GPR179: variants seen among roughly 807,000 people sequenced by gnomAD.
GPR179 encodes probable G protein-coupled receptor 179.
A neutral mutation model predicts 70.8 loss-of-function variants in GPR179; 52 were observed. The ratio of observed to expected loss-of-function variants is 0.73; its 90% CI spans 0.59 to 0.93. The LOEUF (loss-of-function observed/expected upper bound fraction) is 0.93, where lower values mean the gene tolerates loss of function less well. Ranked by LOEUF, GPR179 falls within the 40% of genes least tolerant of loss-of-function variation. The pLI is 0.00. For synonymous variants in GPR179, 1,123 were observed against 1,169.0 expected (o/e 0.96, Z 0.80); for missense variants, 2,734 against 2,966.8 (o/e 0.92, Z 1.82).
Position 38,328,442 on chromosome 17 carries a change from C to A in GPR179, c.5127G>T (p.Val1709=), listed in dbSNP as rs571294116. ...AGKAEICPWE[V]GAGAGEERAL... The stretch of plus-strand genomic sequence containing the variant: ...CCCTTTCCTCCCCTGCTCCAGCACC[C>A]ACCTCCCAGGGACAGATTTCTGCCT... The change falls in exon 11 of 11, where the codon GTG becomes GTT. Residue 1709 remains valine, a synonymous_variant. Coordinates refer to ENST00000616987, the MANE Select transcript of GPR179 (RefSeq NM_001004334.4). 1.2e-6 allele frequency: 2 copies of A among 1,610,946 alleles called. No homozygotes were observed. The highest frequency in any genetic ancestry group is 2.7e-5 in the African/African-American group (2 of 73,850).
At position 38,330,052 on chromosome 17, in the gene GPR179, T is replaced by C; in HGVS notation, c.3517A>G (p.Ser1173Gly). Residue 1173 changes from serine to glycine, a missense_variant, in exon 11 of 11, where the codon AGC (serine) becomes GGC (glycine). Transcript: ENST00000616987. Reference sequence around the variant, plus strand: ...CTGCCTCTGTCTTCTTGTTCCCTGCTGCCCTCCCGTTGACAGACTTGGAGC... The same window carrying C: ...CTGCCTCTGTCTTCTTGTTCCCTGCCGCCCTCCCGTTGACAGACTTGGAGC... Reference protein sequence around the residue: ...RMLQVCQREGSREQEDRGRRM... With the variant: ...RMLQVCQREGGREQEDRGRRM... 1 of 1,614,246 alleles carries C rather than the reference T, an allele frequency of 6.2e-7. No individual in the cohort carries two copies. Among genetic ancestry groups the C allele is most frequent in the Non-Finnish European group, 8.5e-7 (1 of 1,180,032 alleles).
chr17:38,337,483 C>G, intron 3 of GPR179, 150 bp downstream of exon 3: 1 of 725,730 alleles, frequency 1.4e-6, no homozygotes, highest in Non-Finnish European at 2.3e-6. Flanking sequence ...CTGCAACCTG[C>G]TTGCCTCTCC....
chr17:38,340,587 G>T (rs2144278184), intron 1 of GPR179, among the ~76,000 whole-genome samples: 1 of 152,290 alleles, frequency 6.6e-6, no homozygotes, highest in South Asian at 2.1e-4. Context: ...TCTGCCACTG[G>T]GTCTTCATTT....
rs748774487 is a variant in GPR179 at position 38,342,967 on chromosome 17, T to C, written c.794+29A>G. Reference sequence around the variant, plus strand: ...CTTCCTTCCCCTACATCCCCACACATGCATCAAATCCTGCACAAACCCACT... The same window carrying C: ...CTTCCTTCCCCTACATCCCCACACACGCATCAAATCCTGCACAAACCCACT... On this transcript the variant is annotated intron_variant, in intron 1 of 10. Coordinates refer to ENST00000616987, the MANE Select transcript of GPR179 (RefSeq NM_001004334.4). 92 of 1,555,332 alleles carry C rather than the reference T, an allele frequency of 5.9e-5. No homozygotes were observed. The South Asian group carries it at 1.0e-3, about 18-fold the overall frequency.
At chr17:38,332,466 A>T (rs1405509781) in intron 10 of GPR179, among the ~76,000 whole-genome samples, 1 of 152,178 alleles carries the variant, frequency 6.6e-6, no homozygotes, top group Non-Finnish European at 1.5e-5. Context: ...AGACCCAGGA[A>T]GAACTTCCTC....
At chr17:38,342,117 G>GA (rs376736296) in intron 1 of GPR179, among the ~76,000 whole-genome samples, 23 of 146,510 alleles carry the variant, frequency 1.6e-4, no homozygotes, top group South Asian at 4.3e-4. Flanking sequence ...ACTCTGTCTT[G>GA]AAAAAAAAAA....
intron 4 of GPR179, among the ~76,000 whole-genome samples, chr17:38,336,639 T>C (rs1299724172): frequency 6.6e-6 from 1 of 152,190 alleles, no homozygotes; most frequent in Non-Finnish European, 1.5e-5. Context: ...CCTCCATCCT[T>C]GCCCCCATCT....
chr17:38,337,716 A>T lies in GPR179; in HGVS notation c.908T>A (p.Val303Asp). Residue 303 changes from valine to aspartate, a missense_variant, in exon 3 of 11, where the codon GTC becomes GAC. Coordinates refer to ENST00000616987, the MANE Select transcript of GPR179 (RefSeq NM_001004334.4). Reference protein sequence around the residue: ...HLCDLNSTQCVPLESQGFVLG... With the variant: ...HLCDLNSTQCDPLESQGFVLG... ...AACAAAGCCCTGACTCTCCAGGGGG[A>T]CACACTATGGGGACAACAAACACAG... The T allele has an allele frequency of 6.2e-7, 1 of 1,612,536 alleles. No homozygotes were observed. Among genetic ancestry groups the T allele is most frequent in the African/African-American group, 1.3e-5 (1 of 74,954 alleles).
chr17:38,332,973 G>A (rs1377334933), intron 10 of GPR179, among the ~76,000 whole-genome samples: 1 of 152,250 alleles, frequency 6.6e-6, no homozygotes, highest in Non-Finnish European at 1.5e-5. Flanking sequence ...AGGATGCGAA[G>A]GAGTAGGGCT....
chr17:38,333,899 G>T, intron 9 of GPR179, 34 bp downstream of exon 9: 1 of 1,508,094 alleles, frequency 6.6e-7, no homozygotes, highest in Non-Finnish European at 9.2e-7. Context: ...GAGGGGCTGG[G>T]GTCCACCTCA....
rs776361571 is a variant in GPR179, at chr17:38,333,403, AG to A, written c.1891-7del. 6.2e-7 allele frequency: 1 copy of A among 1,613,244 alleles called. No homozygotes were observed. The highest frequency in any genetic ancestry group is 8.5e-7 in the Non-Finnish European group (1 of 1,179,662). On this transcript the variant is annotated splice_region_variant and splice_polypyrimidine_tract_variant and intron_variant, in intron 9 of 10. Coordinates refer to ENST00000616987, the MANE Select transcript of GPR179 (RefSeq NM_001004334.4). ...GGAGCCCCCAGCTTCCAGAACTGGC[AG>A]GGGTGCATAAGAGTGGGAAAAAGAC...
Position 38,331,488 on chromosome 17 carries a change from G to A in GPR179, c.2081C>T (p.Thr694Ile). Residue 694 changes from threonine (T) to isoleucine (I), a missense_variant, in exon 11 of 11, where the codon ACC becomes ATC. Transcript: ENST00000616987. ...GGGGTTGTTTGCGGCCATTTCCTTG[G>A]TTTTGTGGACCTCTAGCTGGGCATA... ...KLYAQLEVHK[T>I]KEMAANNPHL... The A allele has an allele frequency of 1.2e-6, 2 of 1,613,792 alleles. No homozygotes were observed. The highest frequency in any genetic ancestry group is 1.7e-4 in the Middle Eastern group (1 of 6,060).
chr17:38,330,703 G>T lies in GPR179; in HGVS notation c.2866C>A (p.Pro956Thr), dbSNP rs532501243. 119 of 1,597,564 alleles carry T rather than the reference G, an allele frequency of 7.4e-5. 1 individual carries two copies. In the South Asian group the frequency reaches 1.3e-3, roughly 18 times the overall value. The part of the protein sequence containing the change: ...GGLGEPRMLS[P>T]TSTLAPALLP... ...AGAGCTGGAGCCAAGGTGGAGGTGG[G>T]AGATAGCATCCTTGGCTCTCCCAGG... Residue 956 changes from proline (P) to threonine (T), a missense_variant, in exon 11 of 11, where the codon CCC (proline) becomes ACC (threonine). Physicochemically the swap from Pro to Thr is conservative, Grantham distance 38 (BLOSUM62 -1). Coordinates refer to ENST00000616987, the MANE Select transcript of GPR179 (RefSeq NM_001004334.4).
rs191828655 is a variant in GPR179, at chr17:38,325,641, C to T, written c.*824G>A. 5.4e-3 allele frequency: 829 copies of T among 152,364 alleles called. 3 individuals carry two copies. The highest frequency in any genetic ancestry group is 0.017 in the Middle Eastern group (5 of 296). 9.4% of individuals were successfully genotyped at this position (152,364 alleles called of 1,614,324 possible). A position where few individuals can be genotyped will look rare whatever the true frequency, so the allele number is the denominator to read the frequency against. Reference sequence around the variant, plus strand: ...GAGCTAGGGCAGGAAGAGGGGGAGACCCCCTAAAAAACTAGCAAGAGGCAC... The same window carrying T: ...GAGCTAGGGCAGGAAGAGGGGGAGATCCCCTAAAAAACTAGCAAGAGGCAC... On this transcript the variant is annotated 3_prime_UTR_variant, in exon 11 of 11. Coordinates refer to ENST00000616987, the MANE Select transcript of GPR179 (RefSeq NM_001004334.4).
Position 38,343,237 on chromosome 17 carries a change from C to A in GPR179, c.553G>T (p.Glu185Ter). 1 of 1,614,164 alleles carries A rather than the reference C, an allele frequency of 6.2e-7. No homozygotes were observed. The highest frequency in any genetic ancestry group is 8.5e-7 in the Non-Finnish European group (1 of 1,180,022). ...LQDLSGNWVQ[E>*]ENPPGDLDTP... ...TCCAGGTCCCCAGGAGGGTTCTCCT[C>A]CTGCACCCAGTTCCCAGACAAGTCC... The change falls in exon 1 of 11, where the codon GAG becomes TAG. Residue 185 changes from glutamate to a stop codon, truncating the protein, a stop_gained. Coordinates refer to ENST00000616987, the MANE Select transcript of GPR179 (RefSeq NM_001004334.4). LOFTEE classifies it high-confidence loss of function. The surrounding 1 kb of genome is among the most constrained non-coding windows in gnomAD (Gnocchi z 4.2).
chr17:38,332,355 G>C (rs139759360), intron 10 of GPR179, among the ~76,000 whole-genome samples: 3 of 152,302 alleles, frequency 2.0e-5, no homozygotes, highest in African/African-American at 7.2e-5. Context: ...TAGATTATCA[G>C]CTCTCCTTGT....
intron 1 of GPR179, among the ~76,000 whole-genome samples, chr17:38,340,886 T>G (rs2037443946): frequency 6.6e-6 from 1 of 152,158 alleles, no homozygotes; most frequent in African/African-American, 2.4e-5. Flanking sequence ...CCACTACACT[T>G]CAGCCTAGTG....
Position 38,333,992 on chromosome 17 carries a change from A to AGAG in GPR179, c.1828_1830dup (p.Leu610dup). 2 of 1,613,948 alleles carry AGAG rather than the reference A, an allele frequency of 1.2e-6. No homozygotes were observed. Among genetic ancestry groups the AGAG allele is most frequent in the Non-Finnish European group, 1.7e-6 (2 of 1,179,908 alleles). ...ACTGTGCTGTGGGTGTGGAAGAAGA[A>AGAG]GAGGAGGAGGGTCCAGTCCGGGTGC... is the stretch of plus-strand genomic sequence containing the variant. On this transcript the variant is annotated inframe_insertion, in exon 9 of 11. Transcript: ENST00000616987.
chr17:38,342,969 C>T, intron 1 of GPR179, 27 bp downstream of exon 1: 3 of 1,561,590 alleles, frequency 1.9e-6, no homozygotes, highest in African/African-American at 2.7e-5. Context: ...CCCACACATG[C>T]ATCAAATCCT....
Sources: gnomAD v4.1 joint callset for allele counts (sites outside exome capture counted in the v4.1 genomes callset) on GRCh38, gnomAD v4.1.1 for gene constraint, Gnocchi (gnomAD v3.1) non-coding constraint, MANE v1.5 for transcripts, NCBI Gene and HGNC (gene_info 2026-07-23, HGNC 2026-07-21) for gene names.